GPC6: variants seen among roughly 807,000 people sequenced by gnomAD.
The protein encoded by GPC6 is glypican 6, also known as glypican-6.
A neutral mutation model predicts 55.2 loss-of-function variants in GPC6; 14 were observed. That is an observed-to-expected ratio of 0.25 (90% confidence interval 0.17 to 0.40). The LOEUF is 0.40. Ranked by LOEUF, GPC6 falls within the 10% of genes least tolerant of loss-of-function variation. GPC6 has a pLI of 1.00. For synonymous variants in GPC6, 278 were observed against 259.6 expected (o/e 1.07, Z -0.68); for missense variants, 641 against 708.5 (o/e 0.90, Z 1.08).
intron 7 of GPC6, among the ~76,000 whole-genome samples, chr13:94,386,470 A>T (rs1296017846): frequency 1.3e-5 from 2 of 152,064 alleles, no homozygotes; most frequent in African/African-American, 4.8e-5. Flanking sequence ...GGCGCCTATA[A>T]TCTTAACTAC....
intron 2 of GPC6, among the ~76,000 whole-genome samples, chr13:93,765,744 T>A (rs1189871924): frequency 6.6e-6 from 1 of 152,236 alleles, no homozygotes; most frequent in Non-Finnish European, 1.5e-5. Context: ...GATCTGATTC[T>A]AGTGCTGACC....
At chr13:93,573,070 C>G (rs1041833760) in intron 2 of GPC6, among the ~76,000 whole-genome samples, 4 of 151,820 alleles carry the variant, frequency 2.6e-5, no homozygotes, top group African/African-American at 4.8e-5. Context: ...TGTAAAAAGT[C>G]AATAGATATC....
chr13:93,244,419 A>G (rs755401315), intron 1 of GPC6, among the ~76,000 whole-genome samples: 4 of 152,262 alleles, frequency 2.6e-5, no homozygotes, highest in African/African-American at 4.8e-5. Flanking sequence ...TGCCAGAAGC[A>G]TGCTTTATGC....
At chr13:93,315,396 G>A (rs1439000969) in intron 1 of GPC6, among the ~76,000 whole-genome samples, 2 of 151,748 alleles carry the variant, frequency 1.3e-5, no homozygotes, top group African/African-American at 4.8e-5. Flanking sequence ...AATAAGTTTA[G>A]AAAATACTCT....
At chr13:94,305,548 C>T (rs1875899365) in intron 5 of GPC6, among the ~76,000 whole-genome samples, 1 of 152,122 alleles carries the variant, frequency 6.6e-6, no homozygotes, top group African/African-American at 2.4e-5. Context: ...ACATAGACCA[C>T]AAAGAGAACA....
intron 1 of GPC6, among the ~76,000 whole-genome samples, chr13:93,330,101 ATT>A (rs990326096): frequency 6.6e-6 from 1 of 152,210 alleles, no homozygotes; most frequent in African/African-American, 2.4e-5. Context: ...ACATGGATGC[ATT>A]TTGCATTTGG....
intron 2 of GPC6, among the ~76,000 whole-genome samples, chr13:93,608,279 A>C (rs560334070): frequency 1.3e-5 from 2 of 152,094 alleles, no homozygotes; most frequent in Non-Finnish European, 2.9e-5. Flanking sequence ...TCCATTTACT[A>C]TTCAATTACT....
At chr13:93,630,905 A>G (rs569190662) in intron 2 of GPC6, among the ~76,000 whole-genome samples, 106 of 152,258 alleles carry the variant, frequency 7.0e-4, no homozygotes, top group Non-Finnish European at 1.1e-3. Flanking sequence ...GTATTTGAAG[A>G]TAGGCCCTTT....
At chr13:93,412,537 G>T (rs1404026681) in intron 1 of GPC6, among the ~76,000 whole-genome samples, 1 of 152,052 alleles carries the variant, frequency 6.6e-6, no homozygotes, top group Non-Finnish European at 1.5e-5. Flanking sequence ...CATGCCTGTA[G>T]CCCCAGCTAC....
intron 2 of GPC6, among the ~76,000 whole-genome samples, chr13:93,789,321 A>G (rs1181694047): frequency 2.6e-5 from 4 of 151,666 alleles, no homozygotes; most frequent in Admixed American, 6.6e-5. Flanking sequence ...AGGATTTCCT[A>G]TGTATATACC....
At chr13:93,924,497 GC>G (rs1877748810) in intron 3 of GPC6, among the ~76,000 whole-genome samples, 1 of 152,188 alleles carries the variant, frequency 6.6e-6, no homozygotes, top group African/African-American at 2.4e-5. Context: ...GGGAAAAAAA[GC>G]ATTATTGTAC....
chr13:93,913,516 T>C (rs4773765), intron 3 of GPC6, among the ~76,000 whole-genome samples: 3 of 152,118 alleles, frequency 2.0e-5, no homozygotes, highest in Admixed American at 2.0e-4. Flanking sequence ...TTCTATAATG[T>C]TTTTGGAAAT....
rs941404783 is a variant in GPC6, at chr13:94,406,941, T to C, written c.*3724T>C. ...CTGATTTTTATTTAAAAACACAATT[T>C]AGCTTTGCCAACAGAAGAGTAAAGG... On this transcript the variant is annotated 3_prime_UTR_variant, in exon 9 of 9. Coordinates refer to ENST00000377047, the MANE Select transcript of GPC6 (RefSeq NM_005708.5). The C allele has an allele frequency of 7.2e-5, 11 of 152,180 alleles. No individual in the cohort carries two copies. The highest frequency in any genetic ancestry group is 2.7e-4 in the African/African-American group (11 of 41,452). 9.4% of individuals were successfully genotyped at this position (152,180 alleles called of 1,614,324 possible).
intron 4 of GPC6, among the ~76,000 whole-genome samples, chr13:94,082,839 C>T (rs1368825858): frequency 1.3e-5 from 2 of 152,206 alleles, no homozygotes; most frequent in African/African-American, 2.4e-5. Context: ...TAAACAGTCA[C>T]GGACATGCAG....
intron 2 of GPC6, among the ~76,000 whole-genome samples, chr13:93,821,210 A>G (rs9561453): frequency 0.37 from 55,734 of 152,012 alleles, 10,825 homozygotes; most frequent in African/African-American, 0.48. Flanking sequence ...TTTTCTTTGT[A>G]TTCAAACAGA....
chr13:94,139,388 A>T lies in GPC6; in HGVS notation c.877+111494A>T, dbSNP rs182097024. 1.4e-4 allele frequency among the ~76,000 whole-genome samples: 21 copies of T among 152,312 alleles called. No individual in the cohort carries two copies. The East Asian group carries it at 3.5e-3, about 25-fold the overall frequency. On this transcript the variant is annotated intron_variant, in intron 4 of 8. Coordinates refer to ENST00000377047, the MANE Select transcript of GPC6 (RefSeq NM_005708.5). ...GGCATAACTATAGTATTTGTCCTGTATTAATATCCAGTTCCCCCACCTTAG... is the reference window on the plus strand; with the variant it reads ...GGCATAACTATAGTATTTGTCCTGTTTTAATATCCAGTTCCCCCACCTTAG...
At chr13:93,403,716 A>T (rs994316251) in intron 1 of GPC6, among the ~76,000 whole-genome samples, 1 of 152,076 alleles carries the variant, frequency 6.6e-6, no homozygotes, top group African/African-American at 2.4e-5. Context: ...TGGCTCGCTC[A>T]TGCCTCAGAT....
intron 3 of GPC6, among the ~76,000 whole-genome samples, chr13:93,971,578 T>C (rs1367359699): frequency 1.3e-5 from 2 of 152,232 alleles, no homozygotes; most frequent in Admixed American, 1.3e-4. Flanking sequence ...ACATTGGTGA[T>C]AAAAATCCAT....
chr13:94,319,105 A>G (rs1876689401), intron 6 of GPC6, among the ~76,000 whole-genome samples: 1 of 151,704 alleles, frequency 6.6e-6, no homozygotes, highest in African/African-American at 2.4e-5. Context: ...CTTCCATCTC[A>G]TTTTGTGATT....
Sources: gnomAD v4.1 joint callset for allele counts (sites outside exome capture counted in the v4.1 genomes callset) on GRCh38, gnomAD v4.1.1 for gene constraint, MANE v1.5 for transcripts, NCBI Gene and HGNC (gene_info 2026-07-23, HGNC 2026-07-21) for gene names.